The following RBFOX1 variants were observed in gnomAD, a reference collection of about 807,000 sequenced individuals.
RBFOX1 encodes the protein RNA binding protein fox-1 homolog 1.
Under a neutral mutation model 57.7 loss-of-function variants are expected in RBFOX1, and 8 were observed. The observed-to-expected ratio is 0.14, with a 90% confidence interval of 0.08 to 0.25. The LOEUF is 0.25. RBFOX1 is among the 10% of genes least tolerant of loss of function. The probability of loss-of-function intolerance (pLI) is 1.00; values close to 1 mark genes in which losing one functional copy is unlikely to be tolerated. For missense variants in RBFOX1, 611 were observed against 548.5 expected, an observed-to-expected ratio of 1.11 and a Z score of -1.14; for synonymous variants, 326 against 222.4, an observed-to-expected ratio of 1.47 and a Z score of -4.15.
chr16:6,746,025 C>G (rs1004708786), intron 3 of RBFOX1, among the ~76,000 whole-genome samples: 1 of 152,114 alleles, frequency 6.6e-6, no homozygotes, highest in African/African-American at 2.4e-5. Flanking sequence ...TTTGCAATAG[C>G]ATTTTGAACA....
At chr16:7,056,999 G>T (rs2052525865) in intron 4 of RBFOX1, among the ~76,000 whole-genome samples, 1 of 149,974 alleles carries the variant, frequency 6.7e-6, no homozygotes, top group Admixed American at 6.6e-5. Flanking sequence ...TAGGATTGGT[G>T]ACTGGATAAA....
intron 3 of RBFOX1, among the ~76,000 whole-genome samples, chr16:5,742,778 A>G (rs2052822407): frequency 6.6e-6 from 1 of 152,178 alleles, no homozygotes; most frequent in African/African-American, 2.4e-5. Context: ...GGAGGCTTCA[A>G]ATTAGTATTA....
chr16:6,912,187 A>T (rs2071801769), intron 3 of RBFOX1, among the ~76,000 whole-genome samples: 1 of 152,212 alleles, frequency 6.6e-6, no homozygotes, highest in African/African-American at 2.4e-5. Context: ...TCTGAAACTT[A>T]AATTCCCACG....
At chr16:6,962,964 G>A (rs1047731224) in intron 3 of RBFOX1, among the ~76,000 whole-genome samples, 1 of 152,164 alleles carries the variant, frequency 6.6e-6, no homozygotes, top group Non-Finnish European at 1.5e-5. Context: ...TCGCTCAGCA[G>A]TTTGCATGGC....
At chr16:5,970,696 C>G (rs1039560845) in intron 4 of RBFOX1, among the ~76,000 whole-genome samples, 10 of 152,166 alleles carry the variant, frequency 6.6e-5, no homozygotes, top group African/African-American at 1.7e-4. Context: ...ATATGGAGGT[C>G]TTTCTTTTCC....
intron 4 of RBFOX1, among the ~76,000 whole-genome samples, chr16:7,408,966 C>G (rs561181108): frequency 6.6e-6 from 1 of 152,180 alleles, no homozygotes; most frequent in Non-Finnish European, 1.5e-5. Flanking sequence ...GTGAACTTTT[C>G]TTCTTTTCTT....
intron 3 of RBFOX1, among the ~76,000 whole-genome samples, chr16:5,718,402 A>T (rs1012991849): frequency 2.6e-5 from 4 of 152,220 alleles, no homozygotes; most frequent in African/African-American, 9.6e-5. Context: ...ATGAGGGCTG[A>T]GTTAAGCCAC....
At chr16:7,441,759 C>T (rs1451848351) in intron 4 of RBFOX1, among the ~76,000 whole-genome samples, 2 of 152,208 alleles carry the variant, frequency 1.3e-5, no homozygotes, top group African/African-American at 4.8e-5. Flanking sequence ...CACCTGCACA[C>T]CTCAGTGTGG....
At chr16:7,155,610 G>A (rs1238426641) in intron 4 of RBFOX1, among the ~76,000 whole-genome samples, 4 of 140,682 alleles carry the variant, frequency 2.8e-5, no homozygotes, top group African/African-American at 8.1e-5. Flanking sequence ...AAAAAAAAGA[G>A]TAGTGGAATA....
chr16:6,200,303 T>C (rs2097206879), intron 1 of RBFOX1, among the ~76,000 whole-genome samples: 1 of 152,156 alleles, frequency 6.6e-6, no homozygotes, highest in South Asian at 2.1e-4. Flanking sequence ...CTCAAGCCTT[T>C]TGTTCAACGC....
chr16:7,531,257 G>C (rs1238811445), intron 5 of RBFOX1, among the ~76,000 whole-genome samples: 1 of 152,166 alleles, frequency 6.6e-6, no homozygotes, highest in African/African-American at 2.4e-5. Flanking sequence ...ACATCAAATA[G>C]AAACTTCTTG....
chr16:7,279,340 A>G (rs1010518492), intron 4 of RBFOX1, among the ~76,000 whole-genome samples: 5 of 152,140 alleles, frequency 3.3e-5, no homozygotes, highest in Admixed American at 2.6e-4. Flanking sequence ...TTTTCAGTTA[A>G]TGATATTTTC....
intron 4 of RBFOX1, among the ~76,000 whole-genome samples, chr16:7,467,122 T>C (rs566533780): frequency 6.6e-6 from 1 of 152,334 alleles, no homozygotes; most frequent in African/African-American, 2.4e-5. Context: ...AACACAAGCA[T>C]CTAACAGAGG....
At chr16:7,102,318 A>G (rs963264208) in intron 4 of RBFOX1, among the ~76,000 whole-genome samples, 1 of 152,192 alleles carries the variant, frequency 6.6e-6, no homozygotes, top group African/African-American at 2.4e-5. Flanking sequence ...CCCTTAGCCT[A>G]TATGTGAAGA....
At chr16:6,365,085 A>G (rs1185127597) in intron 2 of RBFOX1, among the ~76,000 whole-genome samples, 1 of 103,272 alleles carries the variant, frequency 9.7e-6, no homozygotes, top group Non-Finnish European at 1.9e-5. Flanking sequence ...CCAAAATGGG[A>G]TTCACCCTTA....
intron 1 of RBFOX1, among the ~76,000 whole-genome samples, chr16:6,264,161 G>A (rs1278017288): frequency 1.3e-5 from 2 of 152,102 alleles, no homozygotes; most frequent in South Asian, 2.1e-4. Flanking sequence ...CTTGCAAGTT[G>A]CAATTTGTTT....
intron 2 of RBFOX1, among the ~76,000 whole-genome samples, chr16:6,411,537 T>G (rs764833186): frequency 7.2e-5 from 11 of 152,208 alleles, no homozygotes; most frequent in Non-Finnish European, 1.5e-4. Context: ...ATTAGCTACA[T>G]GCAGACTGCT....
chr16:6,475,022 A>G (rs945630473), intron 2 of RBFOX1, among the ~76,000 whole-genome samples: 1 of 152,230 alleles, frequency 6.6e-6, no homozygotes, highest in African/African-American at 2.4e-5. Flanking sequence ...AGTGCAAAAG[A>G]TGAAGGCAGC....
At chr16:6,347,160 A>C (rs567489514) in intron 2 of RBFOX1, among the ~76,000 whole-genome samples, 31 of 152,322 alleles carry the variant, frequency 2.0e-4, no homozygotes, top group African/African-American at 7.5e-4. Flanking sequence ...GGAATGGGCA[A>C]TAAAGCCATT....
Sources: allele counts gnomAD v4.1 joint callset (sites outside exome capture counted in the v4.1 genomes callset), GRCh38; gene constraint gnomAD v4.1.1; transcripts MANE v1.5; gene names NCBI Gene and HGNC (gene_info 2026-07-23, HGNC 2026-07-21).